ELF3: variants seen among roughly 807,000 people sequenced by gnomAD.
ELF3 encodes E74 like ETS transcription factor 3.
In ELF3, 18 loss-of-function variants were observed where a neutral mutation model predicts 43.9. The observed-to-expected ratio is 0.41, with a 90% confidence interval of 0.28 to 0.61. The LOEUF (loss-of-function observed/expected upper bound fraction) is 0.61. Ranked by LOEUF, ELF3 falls within the 20% of genes least tolerant of loss-of-function variation. The probability of loss-of-function intolerance (pLI) is 0.30; values close to 1 mark genes in which losing one functional copy is unlikely to be tolerated. For missense variants in ELF3, 373 were observed against 487.7 expected, an observed-to-expected ratio of 0.76 and a Z score of 2.21; for synonymous variants, 181 against 190.2, an observed-to-expected ratio of 0.95 and a Z score of 0.40.
rs573710010 is a variant in ELF3, at chr1:202,015,448, G to A, written c.*125G>A. On this transcript the variant is annotated 3_prime_UTR_variant, in exon 9 of 9. Coordinates refer to ENST00000367284, the MANE Select transcript of ELF3 (RefSeq NM_004433.5). ...GCTCCCAGCTGTGCTGTGGAGAGAA[G>A]CTGATGTTTTGGTGTATTGTCAGCC... is the stretch of plus-strand genomic sequence containing the variant. The A allele has an allele frequency of 5.7e-5, 53 of 930,768 alleles. No individual in the cohort carries two copies. The East Asian group carries it at 1.4e-3, about 24-fold the overall frequency. The allele number at this position is 930,768 out of a possible 1,614,324, so 57.7% of individuals were successfully genotyped here. A position where few individuals can be genotyped will look rare whatever the true frequency, so the allele number is the denominator to read the frequency against.
chr1:202,012,037 A>G lies in ELF3; in HGVS notation c.244A>G (p.Lys82Glu). Reference protein sequence around the residue: ...VLDWISYQVEKNKYDASAIDF... With the variant: ...VLDWISYQVEENKYDASAIDF... Reference sequence around the variant, plus strand: ...GGACTGGATCAGCTACCAAGTGGAGAAGAACAAGTACGACGCAAGCGCCAT... The same window carrying G: ...GGACTGGATCAGCTACCAAGTGGAGGAGAACAAGTACGACGCAAGCGCCAT... The change falls in exon 3 of 9, where the codon AAG becomes GAG. Residue 82 changes from lysine (K) to glutamate (E), a missense_variant. Around this residue, in one of 3 missense-constraint regions of ELF3, gnomAD observed 311 missense variants for 351.2 expected, o/e 0.89. Transcript: ENST00000367284. The surrounding 1 kb of genome is among the most constrained non-coding windows in gnomAD (Gnocchi z 4.2). The G allele has an allele frequency of 6.2e-7, 1 of 1,614,216 alleles. No homozygotes were observed. The highest frequency in any genetic ancestry group is 8.5e-7 in the Non-Finnish European group (1 of 1,180,048).
rs759450543 is a variant in ELF3, at chr1:202,015,183, C to A, written c.1002-26C>A. ...TGGGGCCCATTTCCTGCCAAAGCAC[C>A]TCTGACCATCCTTCTCTTCACCCAG... is the stretch of plus-strand genomic sequence containing the variant. On this transcript the variant is annotated intron_variant, in intron 8 of 8. Coordinates refer to ENST00000367284, the MANE Select transcript of ELF3 (RefSeq NM_004433.5). The A allele has an allele frequency of 4.3e-6, 7 of 1,613,192 alleles. No homozygotes were observed. In the Middle Eastern group the frequency reaches 6.6e-4, roughly 153 times the overall value.
rs984601550 is a variant in ELF3 at position 202,010,811 on chromosome 1, G to A, written c.-9+105G>A. The A allele has an allele frequency of 6.7e-6, 2 of 297,840 alleles. No individual in the cohort carries two copies. The highest frequency in any genetic ancestry group is 1.0e-4 in the East Asian group (1 of 9,606). The allele number at this position is 297,840 out of a possible 1,614,324, so 18.4% of individuals were successfully genotyped here. ...CTGCACACTCCAGTCTAGGATCTCC[G>A]AGCAAGAGCGTAGGTGTCCTGAGGG... On this transcript the variant is annotated intron_variant, in intron 1 of 8. Transcript: ENST00000367284. The surrounding 1 kb of genome is among the most constrained non-coding windows in gnomAD (Gnocchi z 4.3).
rs1684192221 is a variant in ELF3, at chr1:202,011,373, GGAATAGGCAGGGA to G, written c.163+76_163+88del. On this transcript the variant is annotated intron_variant, in intron 2 of 8. Coordinates refer to ENST00000367284, the MANE Select transcript of ELF3 (RefSeq NM_004433.5). The stretch of plus-strand genomic sequence containing the variant: ...TCTAAGGGCCTGTTAGACAAATGGG[GGAATAGGCAGGGA>G]GGAGGGTCTCTAGGCAAATTCCAGG... 3 of 1,480,750 alleles carry G rather than the reference GGAATAGGCAGGGA, an allele frequency of 2.0e-6. No homozygotes were observed. In the South Asian group the frequency reaches 4.2e-5, roughly 21 times the overall value. 91.7% of individuals were successfully genotyped at this position (1,480,750 alleles called of 1,614,324 possible). A position where few individuals can be genotyped will look rare whatever the true frequency, so the allele number is the denominator to read the frequency against.
At position 202,010,664 on chromosome 1, in the gene ELF3, C is replaced by CCGCCTGCCGGCCTG. The variant is rs1276325056; in HGVS notation, c.-49_-36dup. On this transcript the variant is annotated 5_prime_UTR_variant, in exon 1 of 9. Coordinates refer to ENST00000367284, the MANE Select transcript of ELF3 (RefSeq NM_004433.5). This position sits in a 1 kb window ranked among gnomAD's most constrained non-coding sequence, Gnocchi z 4.3. ...TACCTGGCGGAACTGGATTTCTCTC[C>CCGCCTGCCGGCCTG]CGCCTGCCGGCCTGCCTGCCACAGC... The CCGCCTGCCGGCCTG allele has an allele frequency of 6.2e-6, 1 of 162,010 alleles. No homozygotes were observed. The highest frequency in any genetic ancestry group is 1.4e-5 in the Non-Finnish European group (1 of 73,824). The allele number at this position is 162,010 out of a possible 1,614,324, so 10.0% of individuals were successfully genotyped here.
Position 202,011,265 on chromosome 1 carries a change from C to G in ELF3, c.129C>G (p.Thr43=), listed in dbSNP as rs1257016613. The G allele has an allele frequency of 1.2e-6, 2 of 1,608,342 alleles. No individual in the cohort carries two copies. The highest frequency in any genetic ancestry group is 4.5e-5 in the East Asian group (2 of 44,742). The change falls in exon 2 of 9, where the codon ACC becomes ACG. Residue 43 remains threonine (T), a synonymous_variant. Transcript: ENST00000367284. Reference sequence around the variant, plus strand: ...TTGGGGCCGATGACTTGGTACTGACCCTGAGCAACCCCCAGATGTCATTGG... The same window carrying G: ...TTGGGGCCGATGACTTGGTACTGACGCTGAGCAACCCCCAGATGTCATTGG... The part of the protein sequence containing the change: ...ATFGADDLVL[T]LSNPQMSLEG...
At chr1:202,011,321 T>G in intron 2 of ELF3, 22 bp downstream of exon 2, 2 of 1,538,540 alleles carry the variant, frequency 1.3e-6, no homozygotes, top group South Asian at 2.5e-5. Flanking sequence ...CGGGGTGGGA[T>G]GGGGCACGGA....
Position 202,012,302 on chromosome 1 carries a change from G to A in ELF3, c.386-42G>A. 1.2e-6 allele frequency: 2 copies of A among 1,611,388 alleles called. No individual in the cohort carries two copies. Among genetic ancestry groups the A allele is most frequent in the Non-Finnish European group, 8.5e-7 (1 of 1,178,306 alleles). ...GCACAGCCAGAGAGAGCCCTTGAGG[G>A]AGGGATTAGGGGAGTGTGACCCTTC... On this transcript the variant is annotated intron_variant, in intron 3 of 8. Transcript: ENST00000367284. The surrounding 1 kb of genome is among the most constrained non-coding windows in gnomAD (Gnocchi z 4.2).
rs141225543 is a variant in ELF3, at chr1:202,013,221, G to A, written c.728G>A (p.Gly243Glu). Residue 243 changes from glycine (G) to glutamate (E), a missense_variant, in exon 7 of 9, where the codon GGG becomes GAG. By Grantham distance (98) the Gly-to-Glu change is moderately conservative. This residue lies in a region of ELF3 where 311 missense variants were observed against 351.2 expected (regional missense o/e 0.89). Coordinates refer to ENST00000367284, the MANE Select transcript of ELF3 (RefSeq NM_004433.5). This position sits in a 1 kb window ranked among gnomAD's most constrained non-coding sequence, Gnocchi z 5.7. ...TGCAAGAAGGGGGATCCCAAGCACGGGAAGCGGAAACGAGGCCGGCCCCGA... is the reference window on the plus strand; with the variant it reads ...TGCAAGAAGGGGGATCCCAAGCACGAGAAGCGGAAACGAGGCCGGCCCCGA... ...RDCKKGDPKH[G>E]KRKRGRPRKL... The A allele has an allele frequency of 6.8e-6, 11 of 1,614,036 alleles. No individual in the cohort carries two copies. Among genetic ancestry groups the A allele is most frequent in the Non-Finnish European group, 7.6e-6 (9 of 1,180,030 alleles).
At position 202,012,646 on chromosome 1, in the gene ELF3, G is replaced by A. The variant is rs55729978; in HGVS notation, c.485G>A (p.Gly162Asp). ...EALDPGPFDQ[G>D]SPFAQELLDD... ...TCTCACCTCCTCTTCCCAGACCAGG[G>A]CAGCCCCTTTGCCCAGGAGCTGCTG... The change falls in exon 5 of 9, where the codon GGC (glycine) becomes GAC (aspartate). Residue 162 changes from glycine to aspartate, a missense_variant. By Grantham distance (94) the Gly-to-Asp change is moderately conservative (BLOSUM62 -1). This residue lies in a region of ELF3 where 311 missense variants were observed against 351.2 expected (regional missense o/e 0.89). Transcript: ENST00000367284. The surrounding 1 kb of genome is among the most constrained non-coding windows in gnomAD (Gnocchi z 4.2). 37,070 of 1,598,842 alleles carry A rather than the reference G, an allele frequency of 0.023. 1,340 individuals carry two copies. Among genetic ancestry groups the A allele is most frequent in the African/African-American group, 0.17 (12,518 of 74,748 alleles).
chr1:202,013,084 AG>A lies in ELF3; in HGVS notation c.688+53del. On this transcript the variant is annotated intron_variant, in intron 6 of 8. Coordinates refer to ENST00000367284, the MANE Select transcript of ELF3 (RefSeq NM_004433.5). The surrounding 1 kb of genome is among the most constrained non-coding windows in gnomAD (Gnocchi z 5.7). ...GAGGGCGTCCCATTTAGCAATGCAC[AG>A]GGGGCCCGGCTCTTCCTGCAGCCTT... The A allele has an allele frequency of 6.2e-7, 1 of 1,602,338 alleles. No homozygotes were observed. Among genetic ancestry groups the A allele is most frequent in the Non-Finnish European group, 8.5e-7 (1 of 1,173,908 alleles).
chr1:202,011,796 G>C lies in ELF3; in HGVS notation c.164-161G>C, dbSNP rs1571659660. On this transcript the variant is annotated intron_variant, in intron 2 of 8. Coordinates refer to ENST00000367284, the MANE Select transcript of ELF3 (RefSeq NM_004433.5). ...GGAGGCTGACGCAGGAGTATCGCTT[G>C]AACCTGGGAGGTGGAGGTTGCTGTG... is the stretch of plus-strand genomic sequence containing the variant. 2.2e-5 allele frequency: 15 copies of C among 679,400 alleles called. No homozygotes were observed. In the East Asian group the frequency reaches 4.0e-4, roughly 18 times the overall value. 42.1% of individuals were successfully genotyped at this position (679,400 alleles called of 1,614,324 possible).
At position 202,015,156 on chromosome 1, in the gene ELF3, C is replaced by A. The variant is rs1684286618; in HGVS notation, c.1002-53C>A. 4 of 1,595,936 alleles carry A rather than the reference C, an allele frequency of 2.5e-6. No individual in the cohort carries two copies. The East Asian group carries it at 8.9e-5, about 36-fold the overall frequency. On this transcript the variant is annotated intron_variant, in intron 8 of 8. Transcript: ENST00000367284. ...GCGGGCCAGGTGGGCGGGCTGGCAG[C>A]CTGGGGCCCATTTCCTGCCAAAGCA...
intron 2 of ELF3, 57 bp downstream of exon 2, chr1:202,011,356 C>T: frequency 6.7e-7 from 1 of 1,489,288 alleles, no homozygotes; most frequent in Non-Finnish European, 8.9e-7. Context: ...CATCTAAGGG[C>T]CTGTTAGACA....
chr1:202,011,447 G>A, intron 2 of ELF3, 148 bp downstream of exon 2: 1 of 1,045,202 alleles, frequency 9.6e-7, no homozygotes, highest in Non-Finnish European at 1.3e-6. Context: ...AGGTGCTGGG[G>A]GTTGTGGGGC....
Position 202,012,362 on chromosome 1 carries a change from A to T in ELF3, c.404A>T (p.Glu135Val). Residue 135 changes from glutamate to valine, a missense_variant, in exon 4 of 9, where the codon GAG becomes GTG. Physicochemically the swap from Glu to Val is moderately radical, Grantham distance 121 (BLOSUM62 -2). Around this residue, in one of 3 missense-constraint regions of ELF3, gnomAD observed 311 missense variants for 351.2 expected, o/e 0.89. Transcript: ENST00000367284. The surrounding 1 kb of genome is among the most constrained non-coding windows in gnomAD (Gnocchi z 4.2). ...TTGTCAGCTTCCAGCTCTTCTGATG[A>T]GCTCAGTTGGATCATTGAGCTGCTG... ...LRDLTSSSSD[E>V]LSWIIELLEK... The T allele has an allele frequency of 6.2e-7, 1 of 1,614,076 alleles. No homozygotes were observed. The highest frequency in any genetic ancestry group is 8.5e-7 in the Non-Finnish European group (1 of 1,179,986).
rs1446392345 is a variant in ELF3, at chr1:202,012,374, T to C, written c.416T>C (p.Ile139Thr). 1.9e-6 allele frequency: 3 copies of C among 1,613,970 alleles called. No homozygotes were observed. The highest frequency in any genetic ancestry group is 1.3e-5 in the African/African-American group (1 of 74,916). Reference sequence around the variant, plus strand: ...AGCTCTTCTGATGAGCTCAGTTGGATCATTGAGCTGCTGGAGAAGGATGGC... The same window carrying C: ...AGCTCTTCTGATGAGCTCAGTTGGACCATTGAGCTGCTGGAGAAGGATGGC... ...TSSSSDELSWIIELLEKDGMA... is the reference protein window; with the variant it reads ...TSSSSDELSWTIELLEKDGMA... Residue 139 changes from isoleucine to threonine, a missense_variant, in exon 4 of 9, where the codon ATC (isoleucine) becomes ACC (threonine). Ile to Thr is a moderately conservative substitution (Grantham distance 89). This residue lies in a region of ELF3 where 311 missense variants were observed against 351.2 expected (regional missense o/e 0.89). Transcript: ENST00000367284. The surrounding 1 kb of genome is among the most constrained non-coding windows in gnomAD (Gnocchi z 4.2).
chr1:202,011,909 C>G, intron 2 of ELF3, 48 bp from the exon 3 acceptor site: 2 of 1,547,522 alleles, frequency 1.3e-6, no homozygotes, highest in Non-Finnish European at 1.8e-6. Flanking sequence ...GCTGTAAGGT[C>G]TGCTGGGTGG....
chr1:202,015,278 C>T lies in ELF3; in HGVS notation c.1071C>T (p.Asn357=). ...GRRLVYKFGK[N]SSGWKEEEVL... ...GACTCGTCTACAAGTTTGGCAAAAA[C>T]TCAAGCGGCTGGAAGGAGGAAGAGG... is the stretch of plus-strand genomic sequence containing the variant. Residue 357 remains asparagine, a synonymous_variant, in exon 9 of 9, where the codon AAC becomes AAT. Transcript: ENST00000367284. The T allele has an allele frequency of 1.2e-6, 2 of 1,614,136 alleles. No individual in the cohort carries two copies. The highest frequency in any genetic ancestry group is 1.7e-6 in the Non-Finnish European group (2 of 1,180,030).
Sources: allele counts gnomAD v4.1 joint callset, GRCh38; gene constraint gnomAD v4.1.1; regional missense constraint gnomAD v4.1.1; non-coding constraint Gnocchi (gnomAD v3.1); transcripts MANE v1.5; gene names NCBI Gene and HGNC (gene_info 2026-07-23, HGNC 2026-07-21).